BAIAP2: variants seen among roughly 807,000 people sequenced by gnomAD.
BAIAP2 encodes BAR/IMD domain containing adaptor protein 2.
In BAIAP2, 18 loss-of-function variants were observed where a neutral mutation model predicts 63.0. That is an observed-to-expected ratio of 0.29 (90% CI 0.20 to 0.42). BAIAP2 has a LOEUF of 0.42. BAIAP2 is among the 10% of genes least tolerant of loss of function. The pLI is 1.00. For synonymous variants in BAIAP2, 386 were observed against 307.6 expected (o/e 1.25, Z -2.67); for missense variants, 610 against 734.3 (o/e 0.83, Z 1.96).
intron 10 of BAIAP2, chr17:81,104,992 C>T (rs2058958994): frequency 2.5e-6 from 1 of 393,032 alleles, no homozygotes; most frequent in Non-Finnish European, 4.7e-6. Context: ...GATCTCCCCC[C>T]AACGGCAGGG....
chr17:81,061,644 G>A (rs140669534), intron 3 of BAIAP2, among the ~76,000 whole-genome samples: 2 of 152,320 alleles, frequency 1.3e-5, no homozygotes, highest in African/African-American at 2.4e-5. Flanking sequence ...TTGTGCGGAG[G>A]TGCCACAGTT....
chr17:81,104,941 G>T, intron 10 of BAIAP2: 1 of 542,314 alleles, frequency 1.8e-6, no homozygotes, highest in Non-Finnish European at 3.3e-6. Flanking sequence ...CCTCCCTGCA[G>T]GGGTCTTCCC....
chr17:81,097,834 G>T, intron 6 of BAIAP2: 1 of 320,258 alleles, frequency 3.1e-6, no homozygotes, highest in Admixed American at 5.0e-5. Flanking sequence ...CCTGGGGACA[G>T]GGTCTGTGCC....
At chr17:81,044,815 T>C (rs1055576368) in intron 1 of BAIAP2, among the ~76,000 whole-genome samples, 2 of 152,242 alleles carry the variant, frequency 1.3e-5, no homozygotes, top group African/African-American at 4.8e-5. Context: ...CTGATTCTAT[T>C]GGACGAGCAG....
intron 13 of BAIAP2, among the ~76,000 whole-genome samples, chr17:81,114,821 C>T (rs541482968): frequency 5.9e-5 from 9 of 152,316 alleles, no homozygotes; most frequent in South Asian, 4.2e-4. Flanking sequence ...TCTGCCTGCC[C>T]GTCCCCAGGG....
At chr17:81,075,043 A>T (rs1356516255) in intron 3 of BAIAP2, among the ~76,000 whole-genome samples, 1 of 152,086 alleles carries the variant, frequency 6.6e-6, no homozygotes, top group African/African-American at 2.4e-5. Flanking sequence ...TGTCTCCTTC[A>T]CCTTCCCACT....
At chr17:81,041,894 A>C (rs1485530919) in intron 1 of BAIAP2, among the ~76,000 whole-genome samples, 1 of 152,082 alleles carries the variant, frequency 6.6e-6, no homozygotes, top group Non-Finnish European at 1.5e-5. Flanking sequence ...ATTTTTCAAT[A>C]ATCATATATT....
chr17:81,085,285 C>T lies in BAIAP2; in HGVS notation c.280-369C>T, dbSNP rs1349401529. 3.2e-5 allele frequency: 16 copies of T among 506,194 alleles called. No individual in the cohort carries two copies. The Admixed American group carries it at 4.9e-4, about 15-fold the overall frequency. The allele number at this position is 506,194 out of a possible 1,614,324, so 31.4% of individuals were successfully genotyped here. ...TTGCTGGCGGCTGGTTTGCAGCATC[C>T]TGTCTAAAGCCAGGGGTCTGACCCT... On this transcript the variant is annotated intron_variant, in intron 4 of 13. Transcript: ENST00000428708.
rs958171378 is a variant in BAIAP2 at position 81,116,119 on chromosome 17, C to T, written c.*280C>T. Reference sequence around the variant, plus strand: ...CGCCTCTGGTCACATGGCCATGGAGCCTTGGGTACCCCTGAGTTAAGGGAG... The same window carrying T: ...CGCCTCTGGTCACATGGCCATGGAGTCTTGGGTACCCCTGAGTTAAGGGAG... On this transcript the variant is annotated 3_prime_UTR_variant, in exon 14 of 14. Transcript: ENST00000428708. 75 of 1,568,206 alleles carry T rather than the reference C, an allele frequency of 4.8e-5. No homozygotes were observed. Among genetic ancestry groups the T allele is most frequent in the Non-Finnish European group, 6.0e-5 (70 of 1,159,100 alleles).
At chr17:81,036,154 G>A (rs896261579) in intron 1 of BAIAP2, 1 of 152,150 alleles carries the variant, frequency 6.6e-6, no homozygotes, top group Admixed American at 6.5e-5. Flanking sequence ...ACAGGCCCTT[G>A]GTTTTCTCTT....
At chr17:81,037,344 G>C (rs1335855992) in intron 1 of BAIAP2, among the ~76,000 whole-genome samples, 1 of 152,246 alleles carries the variant, frequency 6.6e-6, no homozygotes. Context: ...GGCTTGCGCT[G>C]CTGCTGCTGC....
At chr17:81,112,323 T>C (rs1268334419) in intron 13 of BAIAP2, among the ~76,000 whole-genome samples, 1 of 152,218 alleles carries the variant, frequency 6.6e-6, no homozygotes, top group Non-Finnish European at 1.5e-5. Flanking sequence ...GGGGCAGTGG[T>C]GCTCAGCCCC....
chr17:81,113,781 C>T (rs532381587), intron 13 of BAIAP2, among the ~76,000 whole-genome samples: 1 of 152,268 alleles, frequency 6.6e-6, no homozygotes, highest in East Asian at 1.9e-4. Flanking sequence ...CAGGCCTGCA[C>T]CAGTGGAGGG....
At chr17:81,039,591 T>C (rs1857586007) in intron 1 of BAIAP2, among the ~76,000 whole-genome samples, 1 of 152,226 alleles carries the variant, frequency 6.6e-6, no homozygotes, top group Non-Finnish European at 1.5e-5. Flanking sequence ...CTCGTGGTAC[T>C]GCCCGAGTGG....
At chr17:81,080,945 C>T (rs1036429126) in intron 3 of BAIAP2, among the ~76,000 whole-genome samples, 3 of 152,204 alleles carry the variant, frequency 2.0e-5, no homozygotes, top group African/African-American at 7.2e-5. Flanking sequence ...ACTTGCTGGC[C>T]CCCACGCCAG....
intron 3 of BAIAP2, among the ~76,000 whole-genome samples, chr17:81,070,900 T>C (rs1598626298): frequency 6.6e-6 from 1 of 151,902 alleles, no homozygotes; most frequent in Non-Finnish European, 1.5e-5. Flanking sequence ...AGCCGGCGGG[T>C]TGGAGTGGTG....
intron 3 of BAIAP2, chr17:81,083,949 GGGAC>G (rs2055094525): frequency 6.6e-6 from 1 of 152,202 alleles, no homozygotes; most frequent in Non-Finnish European, 1.5e-5. Context: ...TACAGAGTGG[GGGAC>G]TCAGACCCAC....
chr17:81,055,647 A>G (rs112471877), intron 2 of BAIAP2, among the ~76,000 whole-genome samples: 9,591 of 142,498 alleles, frequency 0.067, 365 homozygotes, highest in South Asian at 0.13. Flanking sequence ...CTCCCTGCAA[A>G]CTCTGCCTCC....
At chr17:81,061,627 G>C (rs1202942756) in intron 3 of BAIAP2, among the ~76,000 whole-genome samples, 1 of 152,164 alleles carries the variant, frequency 6.6e-6, no homozygotes, top group Admixed American at 6.5e-5. Flanking sequence ...TCGCTTGCAG[G>C]GTCCTGTTGT....
Sources: allele counts gnomAD v4.1 joint callset (sites outside exome capture counted in the v4.1 genomes callset), GRCh38; gene constraint gnomAD v4.1.1; transcripts MANE v1.5; gene names NCBI Gene and HGNC (gene_info 2026-07-23, HGNC 2026-07-21).